HERC2: variants seen among roughly 807,000 people sequenced by gnomAD.
The protein encoded by HERC2 is HECT and RLD domain containing E3 ubiquitin protein ligase 2.
HERC2 carries 102 observed loss-of-function variants against 537.7 expected under a neutral mutation model. The observed-to-expected ratio is 0.19, with a 90% confidence interval of 0.16 to 0.22. The LOEUF is 0.22. HERC2 is among the 10% of genes least tolerant of loss of function. The probability of loss-of-function intolerance (pLI) is 1.00; values close to 1 mark genes in which losing one functional copy is unlikely to be tolerated. For missense variants in HERC2, 4,236 were observed against 6,198.2 expected (o/e 0.68, Z 10.63); for synonymous variants, 2,224 against 2,466.2 (o/e 0.90, Z 2.91).
intron 23 of HERC2, among the ~76,000 whole-genome samples, chr15:28,243,514 C>T (rs1903343695): frequency 6.6e-6 from 1 of 152,130 alleles, no homozygotes; most frequent in African/African-American, 2.4e-5. Context: ...CACAGTAACA[C>T]TCACATGAAT....
In HERC2 at chr15:28,268,864, C is replaced by T. The variant is rs1446966262; in HGVS notation, c.1447-248G>A. Among the ~76,000 whole-genome samples the T allele has an allele frequency of 1.3e-5, 2 of 152,174 alleles. No individual in the cohort carries two copies. The highest frequency in any genetic ancestry group is 1.3e-4 in the Admixed American group (2 of 15,278). On this transcript the variant is annotated intron_variant, in intron 11 of 92. Coordinates refer to ENST00000261609, the MANE Select transcript of HERC2 (RefSeq NM_004667.6). The surrounding 1 kb of genome is among the most constrained non-coding windows in gnomAD (Gnocchi z 4.7). ...GGGGCAGGGCAGGCTAGCCCCATGC[C>T]ACAGAGACACGCAGCCGACAGGGAG...
chr15:28,295,468 C>A (rs1228756334), intron 3 of HERC2, among the ~76,000 whole-genome samples: 1 of 152,128 alleles, frequency 6.6e-6, no homozygotes, highest in South Asian at 2.1e-4. Flanking sequence ...ACAACCTCTG[C>A]CTCCCAGGTT....
chr15:28,186,764 A>C lies in HERC2; in HGVS notation c.8650-12T>G. On this transcript the variant is annotated splice_polypyrimidine_tract_variant and intron_variant, in intron 55 of 92. Coordinates refer to ENST00000261609, the MANE Select transcript of HERC2 (RefSeq NM_004667.6). Reference sequence around the variant, plus strand: ...ATATACCTGTGATACTAGACACAAAAACCATGATCTATAGACTCTGTAGAA... The same window carrying C: ...ATATACCTGTGATACTAGACACAAACACCATGATCTATAGACTCTGTAGAA... The C allele has an allele frequency of 6.2e-7, 1 of 1,603,524 alleles. No homozygotes were observed. Among genetic ancestry groups the C allele is most frequent in the Non-Finnish European group, 8.5e-7 (1 of 1,170,726 alleles).
chr15:28,249,479 ATG>A (rs1465178835), intron 20 of HERC2, among the ~76,000 whole-genome samples: 2 of 152,228 alleles, frequency 1.3e-5, no homozygotes, highest in Non-Finnish European at 2.9e-5. Flanking sequence ...AGAGCAGTGA[ATG>A]TTTCTGGTTC....
At chr15:28,143,630 TAG>T (rs765238658) in intron 74 of HERC2, among the ~76,000 whole-genome samples, 2 of 151,940 alleles carry the variant, frequency 1.3e-5, no homozygotes, top group African/African-American at 2.4e-5. Flanking sequence ...GTATTTTTAG[TAG>T]AGTCAGGATT....
At chr15:28,169,731 G>C (rs1020888190) in intron 65 of HERC2, 76 bp from the exon 66 acceptor site, 4 of 1,437,856 alleles carry the variant, frequency 2.8e-6, no homozygotes, top group Non-Finnish European at 3.8e-6. Context: ...TGACCTTACA[G>C]GTTAGTTCCA....
At chr15:28,270,598 T>C (rs2075697430) in intron 10 of HERC2, 97 bp downstream of exon 10, 2 of 1,190,958 alleles carry the variant, frequency 1.7e-6, no homozygotes, top group Non-Finnish European at 2.4e-6. Flanking sequence ...CCCCTACCAA[T>C]ACCAGAAAAA....
At chr15:28,294,655 C>T (rs1268026985) in intron 3 of HERC2, among the ~76,000 whole-genome samples, 3 of 151,766 alleles carry the variant, frequency 2.0e-5, no homozygotes, top group African/African-American at 7.3e-5. Flanking sequence ...TTCAAACAAG[C>T]CAGTCACATC....
In HERC2 at chr15:28,163,232, C is replaced by T. The variant is rs1249069298; in HGVS notation, c.10608G>A (p.Glu3536=). ...CATCCGCAATCAGCAGACTGGTGAA[C>T]TCATCCAAGGCCTGAGGCTCCGGAC... ...AAGPEPQALD[E]FTSLLIADDT... is the part of the protein sequence containing the mutation. The change falls in exon 69 of 93, where the codon GAG becomes GAA. Residue 3536 remains glutamate, a synonymous_variant. Transcript: ENST00000261609. 4.3e-6 allele frequency: 7 copies of T among 1,614,002 alleles called. No homozygotes were observed. Among genetic ancestry groups the T allele is most frequent in the East Asian group, 2.2e-5 (1 of 44,884 alleles).
At chr15:28,249,213 C>T (rs1388445090) in intron 20 of HERC2, among the ~76,000 whole-genome samples, 1 of 152,240 alleles carries the variant, frequency 6.6e-6, no homozygotes, top group African/African-American at 2.4e-5. Context: ...AGACAAGACT[C>T]GCCTGCATTG....
intron 70 of HERC2, among the ~76,000 whole-genome samples, chr15:28,150,067 C>T (rs762206200): frequency 2.0e-5 from 3 of 150,918 alleles, no homozygotes; most frequent in Non-Finnish European, 4.4e-5. Context: ...TCACCTAGAA[C>T]GGCCACACAA....
At chr15:28,181,643 C>CAAGGAGACA (rs1895829216) in intron 57 of HERC2, among the ~76,000 whole-genome samples, 1 of 152,184 alleles carries the variant, frequency 6.6e-6, no homozygotes, top group Non-Finnish European at 1.5e-5. Context: ...CTTTGTGGCT[C>CAAGGAGACA]CTCAGCCAGG....
chr15:28,276,445 G>A (rs1054688581), intron 5 of HERC2, among the ~76,000 whole-genome samples: 2 of 152,142 alleles, frequency 1.3e-5, no homozygotes, highest in African/African-American at 2.4e-5. Flanking sequence ...ACACAGACAT[G>A]TAACAGGACA....
At chr15:28,112,236 G>C (rs1388545155) in intron 92 of HERC2, among the ~76,000 whole-genome samples, 1 of 152,152 alleles carries the variant, frequency 6.6e-6, no homozygotes, top group African/African-American at 2.4e-5. Flanking sequence ...CCTCACTATG[G>C]AGATGATGGC....
At position 28,198,343 on chromosome 15, in the gene HERC2, T is replaced by G. The variant is rs748724099; in HGVS notation, c.8011+35A>C. On this transcript the variant is annotated intron_variant, in intron 50 of 92. Coordinates refer to ENST00000261609, the MANE Select transcript of HERC2 (RefSeq NM_004667.6). ...AAGTACACATGCGTTAATGAAAAGT[T>G]AACATCAGGAATTTTATTACCCAGA... 5 of 1,602,938 alleles carry G rather than the reference T, an allele frequency of 3.1e-6. No individual in the cohort carries two copies. In the African/African-American group the frequency reaches 5.4e-5, roughly 17 times the overall value.
chr15:28,250,573 C>T (rs2075042710), intron 20 of HERC2, among the ~76,000 whole-genome samples: 1 of 152,168 alleles, frequency 6.6e-6, no homozygotes. Context: ...TATTCTGTGG[C>T]TCCTCGCCAG....
chr15:28,230,550 A>T, intron 30 of HERC2, 50 bp from the exon 31 acceptor site: 1 of 1,055,418 alleles, frequency 9.5e-7, no homozygotes. Flanking sequence ...TTAAATATTA[A>T]TTTTAAATTA....
At position 28,130,558 on chromosome 15, in the gene HERC2, C is replaced by T; in HGVS notation, c.12607G>A (p.Glu4203Lys). The T allele has an allele frequency of 6.2e-7, 1 of 1,613,972 alleles. No homozygotes were observed. The highest frequency in any genetic ancestry group is 8.5e-7 in the Non-Finnish European group (1 of 1,179,898). The change falls in exon 82 of 93, where the codon GAA (glutamate) becomes AAA (lysine). Residue 4203 changes from glutamate to lysine, a missense_variant. By Grantham distance (56) the Glu-to-Lys change is moderately conservative. Coordinates refer to ENST00000261609, the MANE Select transcript of HERC2 (RefSeq NM_004667.6). ...SLTGLGVVKVECGSQFSVALT... is the reference protein window; with the variant it reads ...SLTGLGVVKVKCGSQFSVALT... ...GCAACAGAAAACTGGGATCCGCATT[C>T]CACTTTAACTACTCCAAGACCAGTA...
chr15:28,272,974 C>T lies in HERC2; in HGVS notation c.831G>A (p.Gly277=), dbSNP rs2075778919. 3 of 1,612,374 alleles carry T rather than the reference C, an allele frequency of 1.9e-6. No individual in the cohort carries two copies. The highest frequency in any genetic ancestry group is 1.7e-5 in the Admixed American group (1 of 59,994). The change falls in exon 8 of 93, where the codon GGG becomes GGA. Residue 277 remains glycine, a synonymous_variant. Coordinates refer to ENST00000261609, the MANE Select transcript of HERC2 (RefSeq NM_004667.6). ...GGTCCTGCAGGGGGATGCTTCCTGG[C>T]CCTTTGGTGGCTGGCGTTCCGTGAA... The part of the protein sequence containing the change: ...GDVHGTPATK[G]PGSIPLQDQH...
Sources: gnomAD v4.1 joint callset for allele counts (sites outside exome capture counted in the v4.1 genomes callset) on GRCh38, gnomAD v4.1.1 for gene constraint, Gnocchi (gnomAD v3.1) non-coding constraint, MANE v1.5 for transcripts, NCBI Gene and HGNC (gene_info 2026-07-23, HGNC 2026-07-21) for gene names.